Variants in LRP5 observed in about 807,000 individuals in gnomAD.
LRP5 encodes the protein LDL receptor related protein 5, also known as low-density lipoprotein receptor-related protein 5.
In LRP5, 62 loss-of-function variants were observed where a neutral mutation model predicts 154.1. The ratio of observed to expected loss-of-function variants is 0.40; its 90% confidence interval spans 0.33 to 0.50. LRP5 has a LOEUF of 0.50. Ranked by LOEUF, LRP5 falls within the 20% of genes least tolerant of loss-of-function variation. LRP5 has a pLI of 0.55. For missense variants in LRP5, 1,915 were observed against 2,336.7 expected (o/e 0.82, Z 3.72); for synonymous variants, 966 against 1,011.5 (o/e 0.96, Z 0.85).
chr11:68,407,870 TGTAACCAAAG>T (rs2098656644), intron 9 of LRP5, among the ~76,000 whole-genome samples: 1 of 152,058 alleles, frequency 6.6e-6, no homozygotes, highest in Admixed American at 6.6e-5. Context: ...GTTTGATTGG[TGTAACCAAAG>T]CGCATCTGTT....
At chr11:68,347,119 G>A (rs142710072) in intron 1 of LRP5, among the ~76,000 whole-genome samples, 24 of 152,346 alleles carry the variant, frequency 1.6e-4, no homozygotes, top group African/African-American at 5.8e-4. Flanking sequence ...CAGAGGCCAA[G>A]GCCTTGGAGG....
chr11:68,318,335 ACACCCGG>A (rs1291943532), intron 1 of LRP5, among the ~76,000 whole-genome samples: 1 of 137,676 alleles, frequency 7.3e-6, no homozygotes, highest in Non-Finnish European at 1.5e-5. Flanking sequence ...GTGAGCCACC[ACACCCGG>A]CCTGCTTTTT....
intron 1 of LRP5, among the ~76,000 whole-genome samples, chr11:68,340,319 G>A (rs1377952604): frequency 1.3e-5 from 2 of 152,188 alleles, no homozygotes. Context: ...TCTGGGAGAT[G>A]GGAAATCCTG....
rs764259701 is a variant in LRP5, at chr11:68,433,620, C to T, written c.3782C>T (p.Pro1261Leu). The T allele has an allele frequency of 1.3e-5, 21 of 1,613,366 alleles. No individual in the cohort carries two copies. Among genetic ancestry groups the T allele is most frequent in the East Asian group, 2.2e-5 (1 of 44,896 alleles). ...CCCCCAGAGCCGCCCACCTGCTCCC[C>T]GGACCAGTTTGCATGTGCCACAGGG... ...LTCGEPPTCS[P>L]DQFACATGEI... Residue 1261 changes from proline to leucine, a missense_variant, in exon 18 of 23, where the codon CCG (proline) becomes CTG (leucine). By Grantham distance (98) the Pro-to-Leu change is moderately conservative. Around this residue, in one of 3 missense-constraint regions of LRP5, gnomAD observed 1,094 missense variants for 1,210.1 expected, o/e 0.90. Coordinates refer to ENST00000294304, the MANE Select transcript of LRP5 (RefSeq NM_002335.4).
chr11:68,390,126 G>C lies in LRP5; in HGVS notation c.1584+74G>C, dbSNP rs1407452172. On this transcript the variant is annotated intron_variant, in intron 7 of 22. Coordinates refer to ENST00000294304, the MANE Select transcript of LRP5 (RefSeq NM_002335.4). ...CCCCTGCAGCCAGATGTACGTATTGGCGAGGCACCGATGGGTGCCTGTGCT... is the reference window on the plus strand; with the variant it reads ...CCCCTGCAGCCAGATGTACGTATTGCCGAGGCACCGATGGGTGCCTGTGCT... 3 of 1,559,110 alleles carry C rather than the reference G, an allele frequency of 1.9e-6. No individual in the cohort carries two copies. The African/African-American group carries it at 4.1e-5, about 21-fold the overall frequency.
At chr11:68,379,424 C>T (rs1440909439) in intron 5 of LRP5, among the ~76,000 whole-genome samples, 2 of 152,132 alleles carry the variant, frequency 1.3e-5, no homozygotes, top group South Asian at 2.1e-4. Context: ...CCGCGGTTCC[C>T]GGGCTGCTGA....
At chr11:68,384,974 G>A (rs2098642213) in intron 5 of LRP5, among the ~76,000 whole-genome samples, 1 of 152,218 alleles carries the variant, frequency 6.6e-6, no homozygotes, top group Non-Finnish European at 1.5e-5. Flanking sequence ...GCCACGGAGG[G>A]AGCCTGAGTT....
chr11:68,405,406 G>A (rs1324249311), intron 8 of LRP5, among the ~76,000 whole-genome samples: 1 of 149,118 alleles, frequency 6.7e-6, no homozygotes. Flanking sequence ...GGAGGCAGAG[G>A]TTGAAGTGAG....
intron 1 of LRP5, among the ~76,000 whole-genome samples, chr11:68,333,181 G>A (rs1041489594): frequency 2.0e-5 from 3 of 152,184 alleles, no homozygotes; most frequent in Non-Finnish European, 2.9e-5. Flanking sequence ...TGTGAGCTGC[G>A]TGCAGGTAAT....
chr11:68,385,564 G>A (rs1591260432), intron 5 of LRP5, among the ~76,000 whole-genome samples: 2 of 152,154 alleles, frequency 1.3e-5, no homozygotes, highest in Non-Finnish European at 2.9e-5. Flanking sequence ...TGCATGCCCC[G>A]GAGGTGTTTC....
intron 22 of LRP5, among the ~76,000 whole-genome samples, chr11:68,448,545 C>T (rs112601898): frequency 2.0e-5 from 3 of 152,332 alleles, no homozygotes; most frequent in African/African-American, 7.2e-5. Context: ...GCCTCGTTCT[C>T]CTTAGAGGCA....
At chr11:68,396,624 G>A (rs556863635) in intron 7 of LRP5, among the ~76,000 whole-genome samples, 24 of 152,300 alleles carry the variant, frequency 1.6e-4, no homozygotes, top group East Asian at 3.9e-4. Context: ...AGAGTGGAGC[G>A]GAGACGGCGG....
chr11:68,432,189 G>A (rs986533364), intron 17 of LRP5, among the ~76,000 whole-genome samples: 4 of 152,292 alleles, frequency 2.6e-5, no homozygotes, highest in East Asian at 1.9e-4. Context: ...GGTGCCCAGC[G>A]GCTGCTTCTG....
intron 7 of LRP5, among the ~76,000 whole-genome samples, chr11:68,395,125 A>AC (rs1239865719): frequency 2.0e-5 from 3 of 151,870 alleles, no homozygotes; most frequent in African/African-American, 4.8e-5. Flanking sequence ...ACATGGTGAG[A>AC]CCCCGTCTCT....
At chr11:68,320,480 G>A (rs998878685) in intron 1 of LRP5, among the ~76,000 whole-genome samples, 1 of 141,262 alleles carries the variant, frequency 7.1e-6, no homozygotes, top group Non-Finnish European at 1.5e-5. Context: ...TTTTGAGACA[G>A]AGTCTCGCTG....
At chr11:68,346,952 C>T (rs1287651681) in intron 1 of LRP5, among the ~76,000 whole-genome samples, 3 of 152,282 alleles carry the variant, frequency 2.0e-5, no homozygotes, top group Middle Eastern at 3.4e-3. Flanking sequence ...TCATTGAGCC[C>T]GTTGTGGGAA....
At chr11:68,354,628 A>T (rs2098621597) in intron 2 of LRP5, among the ~76,000 whole-genome samples, 1 of 152,192 alleles carries the variant, frequency 6.6e-6, no homozygotes, top group South Asian at 2.1e-4. Context: ...TTGGAGTCCC[A>T]GGCTGCCAGG....
chr11:68,429,762 G>C, intron 17 of LRP5, 62 bp downstream of exon 17: 1 of 1,608,740 alleles, frequency 6.2e-7, no homozygotes, highest in Non-Finnish European at 8.5e-7. Flanking sequence ...CTGCCTGCTA[G>C]GCTGCTGCCT....
At chr11:68,372,715 G>A (rs1421834364) in intron 5 of LRP5, among the ~76,000 whole-genome samples, 1 of 152,150 alleles carries the variant, frequency 6.6e-6, no homozygotes, top group African/African-American at 2.4e-5. Context: ...TGCCGAGGGA[G>A]CGAGTCTTCC....
Sources: gnomAD v4.1 joint callset for allele counts (sites outside exome capture counted in the v4.1 genomes callset) on GRCh38, gnomAD v4.1.1 for gene constraint, gnomAD v4.1.1 regional missense constraint, MANE v1.5 for transcripts, NCBI Gene and HGNC (gene_info 2026-07-23, HGNC 2026-07-21) for gene names.